The following ATP2A2 variants were observed in gnomAD, a reference collection of about 807,000 sequenced individuals.
The protein encoded by ATP2A2 is sarcoplasmic/endoplasmic reticulum calcium ATPase 2.
In ATP2A2, 14 loss-of-function variants were observed where a neutral mutation model predicts 109.3. The ratio of observed to expected loss-of-function variants is 0.13; its 90% confidence interval spans 0.08 to 0.20. ATP2A2 has a LOEUF of 0.20. ATP2A2 is among the 10% of genes least tolerant of loss of function. ATP2A2 has a pLI of 1.00. For synonymous variants in ATP2A2, 506 were observed against 490.9 expected, an observed-to-expected ratio of 1.03 and a Z score of -0.41; for missense variants, 657 against 1,321.6, an observed-to-expected ratio of 0.50 and a Z score of 7.80.
At chr12:110,305,307 G>T (rs1001012165) in intron 5 of ATP2A2, among the ~76,000 whole-genome samples, 1 of 152,176 alleles carries the variant, frequency 6.6e-6, no homozygotes, top group African/African-American at 2.4e-5. Context: ...GGAGGCAGAG[G>T]TACGAAGATG....
rs1872297348 is a variant in ATP2A2 at position 110,282,932 on chromosome 12, T to G, written c.219+137T>G. 4.2e-5 allele frequency: 34 copies of G among 800,810 alleles called. No homozygotes were observed. The East Asian group carries it at 9.1e-4, about 21-fold the overall frequency. The allele number at this position is 800,810 out of a possible 1,614,324, so 49.6% of individuals were successfully genotyped here. A position where few individuals can be genotyped will look rare whatever the true frequency, so the allele number is the denominator to read the frequency against. Reference sequence around the variant, plus strand: ...TGTGTCTCTATGTTTAAAAACAATCTGGGCATTTTAAAATTACAAAACAAA... The same window carrying G: ...TGTGTCTCTATGTTTAAAAACAATCGGGGCATTTTAAAATTACAAAACAAA... On this transcript the variant is annotated intron_variant, in intron 3 of 19. Transcript: ENST00000539276.
intron 5 of ATP2A2, among the ~76,000 whole-genome samples, chr12:110,297,674 A>G (rs1874116102): frequency 6.6e-6 from 1 of 151,556 alleles, no homozygotes. Flanking sequence ...GCTGGAGTGC[A>G]GTGGCATGAT....
intron 18 of ATP2A2, 38 bp from the exon 19 acceptor site, chr12:110,345,963 C>G: frequency 6.2e-7 from 1 of 1,601,412 alleles, no homozygotes. Context: ...CGTGCCTTGC[C>G]TTGGGGGTGC....
chr12:110,289,858 A>G (rs1261829538), intron 3 of ATP2A2, among the ~76,000 whole-genome samples: 1 of 152,152 alleles, frequency 6.6e-6, no homozygotes, highest in Non-Finnish European at 1.5e-5. Context: ...ACTCTTTACC[A>G]TATTCATTAT....
At chr12:110,314,266 T>C (rs1876417895) in intron 5 of ATP2A2, among the ~76,000 whole-genome samples, 1 of 151,218 alleles carries the variant, frequency 6.6e-6, no homozygotes, top group Non-Finnish European at 1.5e-5. Flanking sequence ...AGGCAGAGTT[T>C]GTGCTGAGCT....
At chr12:110,308,200 C>G (rs964012143) in intron 5 of ATP2A2, among the ~76,000 whole-genome samples, 4 of 152,152 alleles carry the variant, frequency 2.6e-5, no homozygotes, top group African/African-American at 4.8e-5. Flanking sequence ...TTACTTCTTT[C>G]TAGTCTGGAT....
intron 4 of ATP2A2, among the ~76,000 whole-genome samples, chr12:110,294,540 A>G (rs1168298705): frequency 6.6e-6 from 1 of 152,000 alleles, no homozygotes; most frequent in Non-Finnish European, 1.5e-5. Context: ...ATGCGCCCCC[A>G]GCTACTTGGG....
chr12:110,299,603 G>C (rs759017504), intron 5 of ATP2A2, among the ~76,000 whole-genome samples: 1 of 152,120 alleles, frequency 6.6e-6, no homozygotes, highest in Non-Finnish European at 1.5e-5. Flanking sequence ...CTCTGACTTA[G>C]TTACAAAACA....
chr12:110,285,587 A>G (rs987097388), intron 3 of ATP2A2, among the ~76,000 whole-genome samples: 1 of 152,214 alleles, frequency 6.6e-6, no homozygotes, highest in Non-Finnish European at 1.5e-5. Flanking sequence ...TTTGGATATC[A>G]GAGTATGTGA....
intron 5 of ATP2A2, among the ~76,000 whole-genome samples, chr12:110,311,592 T>A (rs1876045633): frequency 2.2e-5 from 1 of 45,930 alleles, no homozygotes; most frequent in Non-Finnish European, 4.0e-5. Flanking sequence ...CGAGACTCCA[T>A]CTCAAAAAAA....
At chr12:110,312,055 T>C (rs144716199) in intron 5 of ATP2A2, among the ~76,000 whole-genome samples, 71 of 152,112 alleles carry the variant, frequency 4.7e-4, no homozygotes, top group African/African-American at 1.7e-3. Context: ...GACGTGCTCC[T>C]GTAGTCCCTG....
chr12:110,313,310 CTTTTTTTTTT>C (rs748790705), intron 5 of ATP2A2, among the ~76,000 whole-genome samples: 3 of 113,202 alleles, frequency 2.7e-5, no homozygotes, highest in African/African-American at 1.0e-4. Context: ...ACCACCTTTC[CTTTTTTTTTT>C]TTTTTTTTTT....
At chr12:110,345,844 C>G in intron 18 of ATP2A2, 157 bp from the exon 19 acceptor site, 1 of 761,148 alleles carries the variant, frequency 1.3e-6, no homozygotes, top group Non-Finnish European at 2.3e-6. Context: ...TTAGGACATT[C>G]TCTTCAACTT....
In ATP2A2 at chr12:110,340,552, GA is replaced by G. The variant is rs1013291744; in HGVS notation, c.1762-99del. The G allele has an allele frequency of 2.5e-5, 28 of 1,139,490 alleles. No homozygotes were observed. Among genetic ancestry groups the G allele is most frequent in the Non-Finnish European group, 3.0e-5 (24 of 806,352 alleles). The allele number at this position is 1,139,490 out of a possible 1,614,324, so 70.6% of individuals were successfully genotyped here. Reference sequence around the variant, plus strand: ...AAACTCCGCCTCAAAAAAAAAAAAAGAAAAAAAATGCAGAAACCTGTCTCAA... The same window carrying G: ...AAACTCCGCCTCAAAAAAAAAAAAAGAAAAAAATGCAGAAACCTGTCTCAA... On this transcript the variant is annotated intron_variant, in intron 13 of 19. Transcript: ENST00000539276. This position sits in a 1 kb window ranked among gnomAD's most constrained non-coding sequence, Gnocchi z 6.0.
Position 110,346,677 on chromosome 12 carries a change from G to T in ATP2A2, c.*207G>T. 7.0e-7 allele frequency: 1 copy of T among 1,433,184 alleles called. No individual in the cohort carries two copies. The highest frequency in any genetic ancestry group is 9.1e-7 in the Non-Finnish European group (1 of 1,100,876). 88.8% of individuals were successfully genotyped at this position (1,433,184 alleles called of 1,614,324 possible). On this transcript the variant is annotated 3_prime_UTR_variant, in exon 20 of 20. Transcript: ENST00000539276. Reference sequence around the variant, plus strand: ...ACATAATTAAAGTGTCCATTGACATGTACAGAGAACTAACACTATTTTATG... The same window carrying T: ...ACATAATTAAAGTGTCCATTGACATTTACAGAGAACTAACACTATTTTATG...
At chr12:110,304,391 G>C (rs1483326065) in intron 5 of ATP2A2, among the ~76,000 whole-genome samples, 1 of 152,140 alleles carries the variant, frequency 6.6e-6, no homozygotes, top group Non-Finnish European at 1.5e-5. Context: ...TGGTGATATT[G>C]TTCTACATTC....
chr12:110,284,075 G>T (rs1872425823), intron 3 of ATP2A2, among the ~76,000 whole-genome samples: 1 of 152,128 alleles, frequency 6.6e-6, no homozygotes, highest in African/African-American at 2.4e-5. Context: ...CCTTTTCTGT[G>T]GTTTTCATTG....
rs1261433079 is a variant in ATP2A2, at chr12:110,347,099, T to G, written c.*629T>G. 8.8e-7 allele frequency: 1 copy of G among 1,133,274 alleles called. No individual in the cohort carries two copies. Among genetic ancestry groups the G allele is most frequent in the Non-Finnish European group, 1.1e-6 (1 of 918,366 alleles). 70.2% of individuals were successfully genotyped at this position (1,133,274 alleles called of 1,614,324 possible). On this transcript the variant is annotated 3_prime_UTR_variant, in exon 20 of 20. Transcript: ENST00000539276. Reference sequence around the variant, plus strand: ...TTAGGATTGTGATGGTTCGTTCTGTTTACATCAGTTTTAACGAGAGGTATG... The same window carrying G: ...TTAGGATTGTGATGGTTCGTTCTGTGTACATCAGTTTTAACGAGAGGTATG...
At position 110,345,992 on chromosome 12, in the gene ATP2A2, G is replaced by T. The variant is rs368401449; in HGVS notation, c.2742-9G>T. 3.7e-6 allele frequency: 6 copies of T among 1,613,878 alleles called. No homozygotes were observed. In the African/African-American group the frequency reaches 4.0e-5, roughly 11 times the overall value. On this transcript the variant is annotated splice_polypyrimidine_tract_variant and intron_variant, in intron 18 of 19. Coordinates refer to ENST00000539276, the MANE Select transcript of ATP2A2 (RefSeq NM_170665.4). ...GGGGTGCGTTTCCCCACCTCTCCTT[G>T]CTCTGCAGCTTGTCCGAAAACCAGT...
Sources: gnomAD v4.1 joint callset for allele counts (sites outside exome capture counted in the v4.1 genomes callset) on GRCh38, gnomAD v4.1.1 for gene constraint, Gnocchi (gnomAD v3.1) non-coding constraint, MANE v1.5 for transcripts, NCBI Gene and HGNC (gene_info 2026-07-23, HGNC 2026-07-21) for gene names.